The following KANSL1L variants were observed in gnomAD, a reference collection of about 807,000 sequenced individuals.
KANSL1L encodes the protein KAT8 regulatory NSL complex subunit 1 like.
Under a neutral mutation model 108.6 loss-of-function variants are expected in KANSL1L, and 25 were observed. The ratio of observed to expected loss-of-function variants is 0.23; its 90% confidence interval spans 0.17 to 0.32. The LOEUF is 0.32. KANSL1L is among the 10% of genes least tolerant of loss of function. The pLI, the probability that KANSL1L is intolerant of heterozygous loss-of-function variation, is 1.00. For synonymous variants in KANSL1L, 405 were observed against 395.1 expected, an observed-to-expected ratio of 1.03 and a Z score of -0.30; for missense variants, 1,137 against 1,125.7, an observed-to-expected ratio of 1.01 and a Z score of -0.14.
chr2:210,109,119 C>G (rs569229928), intron 3 of KANSL1L, among the ~76,000 whole-genome samples: 4 of 151,948 alleles, frequency 2.6e-5, no homozygotes, highest in Admixed American at 6.6e-5. Context: ...TTTCTCTGAC[C>G]CTCTGACCCA....
At chr2:210,153,411 A>G in intron 2 of KANSL1L, 84 bp downstream of exon 2, 4 of 1,068,392 alleles carry the variant, frequency 3.7e-6, no homozygotes, top group Non-Finnish European at 2.7e-6. Context: ...TAGAAAATCT[A>G]TTTCTTGTCA....
At chr2:210,038,766 G>C (rs1190284294) in intron 8 of KANSL1L, among the ~76,000 whole-genome samples, 1 of 150,870 alleles carries the variant, frequency 6.6e-6, no homozygotes, top group Non-Finnish European at 1.5e-5. Flanking sequence ...TAGTTATATA[G>C]AGCATGGCTC....
At chr2:210,078,247 C>G (rs541183940) in intron 5 of KANSL1L, among the ~76,000 whole-genome samples, 2 of 152,270 alleles carry the variant, frequency 1.3e-5, no homozygotes, top group South Asian at 4.1e-4. Context: ...AGAAATTTTT[C>G]AGCTTCATTA....
At chr2:210,128,461 T>A (rs1352371471) in intron 3 of KANSL1L, among the ~76,000 whole-genome samples, 3 of 152,190 alleles carry the variant, frequency 2.0e-5, no homozygotes, top group Non-Finnish European at 4.4e-5. Context: ...ACAATATTTA[T>A]GAAACTTGAG....
intron 10 of KANSL1L, 21 bp from the exon 11 acceptor site, chr2:210,028,990 A>G (rs1275591233): frequency 1.3e-6 from 2 of 1,599,848 alleles, no homozygotes; most frequent in Non-Finnish European, 1.7e-6. Flanking sequence ...GGATTACAGT[A>G]GATTTACAGT....
chr2:210,161,474 T>A (rs1183142787), intron 1 of KANSL1L, among the ~76,000 whole-genome samples: 1 of 152,230 alleles, frequency 6.6e-6, no homozygotes, highest in African/African-American at 2.4e-5. Flanking sequence ...AACCTGTAAC[T>A]ATACAACTTC....
intron 6 of KANSL1L, among the ~76,000 whole-genome samples, chr2:210,072,724 T>C (rs1435644849): frequency 6.6e-6 from 1 of 152,154 alleles, no homozygotes; most frequent in Non-Finnish European, 1.5e-5. Context: ...CAGCTGCTGC[T>C]CACCTCCTGC....
chr2:210,038,347 C>A (rs558358315), intron 8 of KANSL1L, among the ~76,000 whole-genome samples: 22 of 151,878 alleles, frequency 1.4e-4, no homozygotes, highest in South Asian at 2.1e-4. Flanking sequence ...TAAAAAAATA[C>A]GTAGTTTAAA....
At position 210,116,616 on chromosome 2, in the gene KANSL1L, C is replaced by T. The variant is rs115170104; in HGVS notation, c.1231-12315G>A. Among the ~76,000 whole-genome samples the T allele has an allele frequency of 4.2e-3, 633 of 152,244 alleles. 7 individuals are homozygous for T. The highest frequency in any genetic ancestry group is 0.015 in the African/African-American group (611 of 41,560). ...TCTCTGACTGGTAATCCAGAGAATG[C>T]TTTTGGATCTTACCCGAGACTACTG... On this transcript the variant is annotated intron_variant, in intron 3 of 14. Transcript: ENST00000281772.
intron 6 of KANSL1L, among the ~76,000 whole-genome samples, chr2:210,060,852 G>A (rs953618430): frequency 4.8e-4 from 73 of 152,258 alleles, no homozygotes; most frequent in Middle Eastern, 6.8e-3. Flanking sequence ...TGCAAATAAA[G>A]TTTCATTCAT....
intron 6 of KANSL1L, among the ~76,000 whole-genome samples, chr2:210,059,634 C>G (rs1424024521): frequency 6.6e-6 from 1 of 152,200 alleles, no homozygotes; most frequent in Non-Finnish European, 1.5e-5. Context: ...ATAGAAGTCC[C>G]TGGAGTACAG....
intron 8 of KANSL1L, chr2:210,035,156 A>C (rs1052494633): frequency 6.6e-6 from 1 of 152,206 alleles, no homozygotes; most frequent in African/African-American, 2.4e-5. Flanking sequence ...TTCATTGCAG[A>C]TGGCATTGCA....
chr2:210,121,091 T>G (rs1047458111), intron 3 of KANSL1L, among the ~76,000 whole-genome samples: 12 of 152,142 alleles, frequency 7.9e-5, no homozygotes, highest in Non-Finnish European at 1.8e-4. Flanking sequence ...GTGTGGCAAT[T>G]CCTCAAAGAC....
Position 210,075,695 on chromosome 2 carries a change from T to A in KANSL1L, c.1612A>T (p.Ser538Cys). The change falls in exon 6 of 15, where the codon AGT becomes TGT. Residue 538 changes from serine (S) to cysteine (C), a missense_variant. This residue lies in a region of KANSL1L where 575 missense variants were observed against 567.1 expected (regional missense o/e 1.01). Coordinates refer to ENST00000281772, the MANE Select transcript of KANSL1L (RefSeq NM_152519.4). ...SSSWLLNQKHSKKKRKDRTRL... is the reference protein window; with the variant it reads ...SSSWLLNQKHCKKKRKDRTRL... ...GTCCTGTCTTTTCTCTTTTTCTTAC[T>A]GTGCTTCTGGTTAAGTAACCAGCTA... The A allele has an allele frequency of 6.2e-7, 1 of 1,614,016 alleles. No homozygotes were observed. Among genetic ancestry groups the A allele is most frequent in the Non-Finnish European group, 8.5e-7 (1 of 1,179,908 alleles).
At chr2:210,077,464 A>G (rs2094550624) in intron 5 of KANSL1L, among the ~76,000 whole-genome samples, 1 of 152,160 alleles carries the variant, frequency 6.6e-6, no homozygotes, top group African/African-American at 2.4e-5. Context: ...AGGAGAGCCA[A>G]TATGAAGTTA....
chr2:210,079,650 A>ATATATATATGTG (rs1553653253), intron 5 of KANSL1L, among the ~76,000 whole-genome samples: 1 of 19,542 alleles, frequency 5.1e-5, no homozygotes, highest in Non-Finnish European at 9.1e-5. Flanking sequence ...ATATATATAT[A>ATATATATATGTG]TATATATATA....
chr2:210,037,592 A>T (rs1194621640), intron 8 of KANSL1L, among the ~76,000 whole-genome samples: 2 of 152,174 alleles, frequency 1.3e-5, no homozygotes, highest in Non-Finnish European at 2.9e-5. Flanking sequence ...AAATAAACAC[A>T]AAGGAGACTA....
At chr2:210,069,782 T>C (rs1470330641) in intron 6 of KANSL1L, among the ~76,000 whole-genome samples, 1 of 144,886 alleles carries the variant, frequency 6.9e-6, no homozygotes, top group Non-Finnish European at 1.5e-5. Flanking sequence ...TTATTGCCCC[T>C]GACATTCTTT....
Position 210,143,372 on chromosome 2 carries a change from A to G in KANSL1L, c.1088+10123T>C, listed in dbSNP as rs1037814825. On this transcript the variant is annotated intron_variant, in intron 2 of 14. Transcript: ENST00000281772. The stretch of plus-strand genomic sequence containing the variant: ...AGTCTCTCACAGGGCACATACAGCT[A>G]GCTGGGTCTTAAAAAAAATCCATTC... 5.3e-5 allele frequency among the ~76,000 whole-genome samples: 8 copies of G among 152,190 alleles called. No individual in the cohort carries two copies. In the East Asian group the frequency reaches 1.4e-3, roughly 26 times the overall value.
Sources: allele counts gnomAD v4.1 joint callset (sites outside exome capture counted in the v4.1 genomes callset), GRCh38; gene constraint gnomAD v4.1.1; regional missense constraint gnomAD v4.1.1; transcripts MANE v1.5; gene names NCBI Gene and HGNC (gene_info 2026-07-23, HGNC 2026-07-21).